DHRS2: variants seen among roughly 807,000 people sequenced by gnomAD.
The protein encoded by DHRS2 is dehydrogenase/reductase SDR family member 2, mitochondrial.
DHRS2 carries 29 observed loss-of-function variants against 26.3 expected under a neutral mutation model. The observed-to-expected ratio is 1.10, with a 90% CI of 0.82 to 1.50. DHRS2 has a LOEUF of 1.50. Among genes scored for constraint, DHRS2 ranks in the 40% most tolerant of loss-of-function variants. DHRS2 has a pLI of 0.00. For synonymous variants in DHRS2, 164 were observed against 151.3 expected, an observed-to-expected ratio of 1.08 and a Z score of -0.62; for missense variants, 439 against 367.1, an observed-to-expected ratio of 1.20 and a Z score of -1.60.
At position 23,645,527 on chromosome 14, in the gene DHRS2, A is replaced by G; in HGVS notation, c.*274A>G. On this transcript the variant is annotated 3_prime_UTR_variant, in exon 9 of 9. Coordinates refer to ENST00000250383, the MANE Select transcript of DHRS2 (RefSeq NM_005794.4). ...TTTATGGAGCTGGTGCTTTGGAGGA[A>G]TCTTAAGGGAAAGGAGTAGAAGCTC... 1 of 549,974 alleles carries G rather than the reference A, an allele frequency of 1.8e-6. No individual in the cohort carries two copies. Among genetic ancestry groups the G allele is most frequent in the South Asian group, 2.8e-5 (1 of 35,342 alleles). 34.1% of individuals were successfully genotyped at this position (549,974 alleles called of 1,614,324 possible). A position where few individuals can be genotyped will look rare whatever the true frequency, so the allele number is the denominator to read the frequency against.
In DHRS2 at chr14:23,639,246, C is replaced by T. The variant is rs375920436; in HGVS notation, c.208C>T (p.Gln70Ter). Residue 70 changes from glutamine to a stop codon, truncating the protein, a stop_gained, in exon 3 of 9, where the codon CAG becomes TAG. Transcript: ENST00000250383. LOFTEE classifies it high-confidence loss of function. ...GAHVVISSRK[Q>*]QNVDRAMAKL... Reference sequence around the variant, plus strand: ...CCACGTGGTCATCAGCAGCCGGAAGCAGCAGAACGTGGACCGGGCCATGGC... The same window carrying T: ...CCACGTGGTCATCAGCAGCCGGAAGTAGCAGAACGTGGACCGGGCCATGGC... 43 of 1,613,698 alleles carry T rather than the reference C, an allele frequency of 2.7e-5. No homozygotes were observed. Among genetic ancestry groups the T allele is most frequent in the Non-Finnish European group, 3.5e-5 (41 of 1,179,872 alleles).
chr14:23,639,351 G>A lies in DHRS2; in HGVS notation c.313G>A (p.Ala105Thr). 1 of 1,566,516 alleles carries A rather than the reference G, an allele frequency of 6.4e-7. No individual in the cohort carries two copies. Among genetic ancestry groups the A allele is most frequent in the South Asian group, 1.2e-5 (1 of 82,144 alleles). The change falls in exon 3 of 9, where the codon GCC becomes ACC. Residue 105 changes from alanine to threonine, a missense_variant. Coordinates refer to ENST00000250383, the MANE Select transcript of DHRS2 (RefSeq NM_005794.4). Reference sequence around the variant, plus strand: ...GGCTGAGGACCGGGAGCAGCTGGTGGCCAAGGTGAGGGGGCAGGCGGTGGA... The same window carrying A: ...GGCTGAGGACCGGGAGCAGCTGGTGACCAAGGTGAGGGGGCAGGCGGTGGA... ...GKAEDREQLVAKALEHCGGVD... is the reference protein window; with the variant it reads ...GKAEDREQLVTKALEHCGGVD...
upstream of DHRS2, among the ~76,000 whole-genome samples, chr14:23,631,433 T>C (rs1890115644): frequency 6.6e-6 from 1 of 152,172 alleles, no homozygotes; most frequent in African/African-American, 2.4e-5. Flanking sequence ...TTTCAGTTGG[T>C]TGGGGAGCTT....
In DHRS2 at chr14:23,636,406, T is replaced by C. The variant is rs940811665; in HGVS notation, c.-405T>C. 3.9e-5 allele frequency: 6 copies of C among 152,038 alleles called. No homozygotes were observed. The highest frequency in any genetic ancestry group is 1.4e-4 in the African/African-American group (6 of 41,408). 9.4% of individuals were successfully genotyped at this position (152,038 alleles called of 1,614,324 possible). ...CCCTTCCACGCTGTGGAAGCTTTGT[T>C]CTTTTGGTCTTCATGATAAATCTTG... On this transcript the variant is annotated 5_prime_UTR_variant, in exon 1 of 9. Coordinates refer to ENST00000250383, the MANE Select transcript of DHRS2 (RefSeq NM_005794.4).
At chr14:23,639,662 C>G in intron 3 of DHRS2, 132 bp from the exon 4 acceptor site, 2 of 1,045,024 alleles carry the variant, frequency 1.9e-6, no homozygotes, top group Admixed American at 6.7e-5. Context: ...AGGAGCCTGC[C>G]CTTGGGACAC....
At position 23,639,839 on chromosome 14, in the gene DHRS2, G is replaced by A. The variant is rs773871758; in HGVS notation, c.364G>A (p.Gly122Arg). ...CGTCGACTTCCTGGTGTGCAGCGCAGGGGTCAACCCTCTGGTAGGGAGCAC... is the reference window on the plus strand; with the variant it reads ...CGTCGACTTCCTGGTGTGCAGCGCAAGGGTCAACCCTCTGGTAGGGAGCAC... ...GGVDFLVCSA[G>R]VNPLVGSTLG... is the part of the protein sequence containing the mutation. Residue 122 changes from glycine (G) to arginine (R), a missense_variant, in exon 4 of 9, where the codon GGG becomes AGG. By Grantham distance (125) the Gly-to-Arg change is moderately radical. Transcript: ENST00000250383. 13 of 1,610,580 alleles carry A rather than the reference G, an allele frequency of 8.1e-6. No individual in the cohort carries two copies. In the Admixed American group the frequency reaches 1.3e-4, roughly 17 times the overall value.
In DHRS2 at chr14:23,639,789, C is replaced by A. The variant is rs765886823; in HGVS notation, c.319-5C>A. ...CTCCACACTCATCCAATCTCCTCTC[C>A]GCAGGCCCTGGAGCACTGTGGGGGC... is the stretch of plus-strand genomic sequence containing the variant. On this transcript the variant is annotated splice_polypyrimidine_tract_variant and splice_region_variant and intron_variant, in intron 3 of 8. Transcript: ENST00000250383. 1 of 1,602,162 alleles carries A rather than the reference C, an allele frequency of 6.2e-7. No homozygotes were observed. The highest frequency in any genetic ancestry group is 8.5e-7 in the Non-Finnish European group (1 of 1,174,040).
At chr14:23,631,811 G>C (rs1890126022), upstream of DHRS2, among the ~76,000 whole-genome samples, 1 of 152,178 alleles carries the variant, frequency 6.6e-6, no homozygotes, top group Non-Finnish European at 1.5e-5. Flanking sequence ...ATAAGTGAGT[G>C]GGGTAGGGTG....
chr14:23,644,340 G>T, intron 6 of DHRS2, 69 bp from the exon 7 acceptor site: 1 of 1,602,444 alleles, frequency 6.2e-7, no homozygotes, highest in South Asian at 1.1e-5. Flanking sequence ...ATCCCTGTAG[G>T]TGAGAAATCC....
intron 4 of DHRS2, chr14:23,640,466 C>T: frequency 2.0e-6 from 2 of 984,662 alleles, no homozygotes; most frequent in Non-Finnish European, 2.4e-6. Flanking sequence ...ACCTTGTCCA[C>T]AAGGGACCGG....
Position 23,639,786 on chromosome 14 carries a change from C to G in DHRS2, c.319-8C>G. The G allele has an allele frequency of 1.3e-6, 2 of 1,599,964 alleles. No individual in the cohort carries two copies. Among genetic ancestry groups the G allele is most frequent in the Non-Finnish European group, 1.7e-6 (2 of 1,173,040 alleles). On this transcript the variant is annotated splice_polypyrimidine_tract_variant and splice_region_variant and intron_variant, in intron 3 of 8. Transcript: ENST00000250383. ...CATCTCCACACTCATCCAATCTCCT[C>G]TCCGCAGGCCCTGGAGCACTGTGGG... is the stretch of plus-strand genomic sequence containing the variant.
In DHRS2 at chr14:23,639,182, C is replaced by A; in HGVS notation, c.144C>A (p.Ile48=). 6.2e-7 allele frequency: 1 copy of A among 1,612,930 alleles called. No individual in the cohort carries two copies. The highest frequency in any genetic ancestry group is 8.5e-7 in the Non-Finnish European group (1 of 1,179,630). Residue 48 remains isoleucine, a synonymous_variant, in exon 3 of 9, where the codon ATC becomes ATA. Coordinates refer to ENST00000250383, the MANE Select transcript of DHRS2 (RefSeq NM_005794.4). ...TGCCCTCCATCTCTGCATTCAGGAT[C>A]GGCTTTGCCATCGCCCGACGTCTGG... ...VAVVTGSTSG[I]GFAIARRLAR...
chr14:23,637,817 A>G (rs886630897), intron 1 of DHRS2, among the ~76,000 whole-genome samples: 5 of 152,194 alleles, frequency 3.3e-5, no homozygotes, highest in African/African-American at 1.2e-4. Flanking sequence ...GTTTGTAAAC[A>G]CAGCAATCAG....
intron 7 of DHRS2, 24 bp from the exon 8 acceptor site, chr14:23,644,803 C>T: frequency 4.3e-6 from 7 of 1,613,792 alleles, no homozygotes; most frequent in Non-Finnish European, 5.9e-6. Context: ...AGCACTGACT[C>T]CTTCATTTCT....
chr14:23,637,760 C>T (rs948603406), intron 1 of DHRS2, among the ~76,000 whole-genome samples: 7 of 152,126 alleles, frequency 4.6e-5, no homozygotes, highest in Non-Finnish European at 7.4e-5. Flanking sequence ...TTGTGTCTAG[C>T]GAAAGGATTG....
intron 4 of DHRS2, chr14:23,642,056 C>T: frequency 3.7e-6 from 4 of 1,089,310 alleles, no homozygotes; most frequent in Non-Finnish European, 4.5e-6. Context: ...GACAGAGCTT[C>T]CAGAGTGTCA....
chr14:23,634,446 C>T (rs532363572), upstream of DHRS2, among the ~76,000 whole-genome samples: 1 of 152,060 alleles, frequency 6.6e-6, no homozygotes, highest in African/African-American at 2.4e-5. Flanking sequence ...TTGTGGTGAT[C>T]ACTGCCCTGC....
chr14:23,632,197 C>T (rs1890139678), upstream of DHRS2, among the ~76,000 whole-genome samples: 1 of 152,206 alleles, frequency 6.6e-6, no homozygotes, highest in Non-Finnish European at 1.5e-5. Context: ...CTGGATTCCT[C>T]TCAACCTCAA....
chr14:23,643,876 A>C (rs1890765260), intron 5 of DHRS2: 2 of 553,364 alleles, frequency 3.6e-6, no homozygotes, highest in Admixed American at 6.1e-5. Context: ...GCAGAAGATA[A>C]GGGTTCTGAG....
Sources: allele counts gnomAD v4.1 joint callset (sites outside exome capture counted in the v4.1 genomes callset), GRCh38; gene constraint gnomAD v4.1.1; transcripts MANE v1.5; gene names NCBI Gene and HGNC (gene_info 2026-07-23, HGNC 2026-07-21).